Variants in DYM observed in about 807,000 individuals in gnomAD.
The protein encoded by DYM is dymeclin.
Under a neutral mutation model 93.1 loss-of-function variants are expected in DYM, and 78 were observed. The observed-to-expected ratio is 0.84, with a 90% CI of 0.70 to 1.01. The LOEUF (loss-of-function observed/expected upper bound fraction) is 1.01. DYM is among the 50% of genes least tolerant of loss of function. The pLI, the probability that DYM is intolerant of heterozygous loss-of-function variation, is 0.00. For missense variants in DYM, 789 were observed against 845.0 expected (o/e 0.93, Z 0.82); for synonymous variants, 321 against 319.7 (o/e 1.00, Z -0.04).
chr18:49,334,065 C>T (rs1488054333), intron 6 of DYM, among the ~76,000 whole-genome samples: 1 of 152,190 alleles, frequency 6.6e-6, no homozygotes. Context: ...TTAGTTATCC[C>T]TTTATTTCCC....
chr18:49,212,396 A>G (rs1048622345), intron 13 of DYM, among the ~76,000 whole-genome samples: 1 of 152,052 alleles, frequency 6.6e-6, no homozygotes, highest in African/African-American at 2.4e-5. Flanking sequence ...CAACCATTTC[A>G]AAAAAAAGAG....
At chr18:49,163,917 CTG>C in intron 14 of DYM, 130 bp from the exon 15 acceptor site, 1 of 665,806 alleles carries the variant, frequency 1.5e-6, no homozygotes, top group East Asian at 2.9e-5. Flanking sequence ...TTCTTCATGC[CTG>C]TGTTAACAGC....
chr18:49,199,090 A>G (rs992395033), intron 14 of DYM, among the ~76,000 whole-genome samples: 1 of 152,246 alleles, frequency 6.6e-6, no homozygotes, highest in African/African-American at 2.4e-5. Context: ...GACATGGATG[A>G]AGCTGGAAAC....
At chr18:49,427,413 A>G (rs1446650057) in intron 2 of DYM, among the ~76,000 whole-genome samples, 1 of 152,202 alleles carries the variant, frequency 6.6e-6, no homozygotes, top group East Asian at 1.9e-4. Flanking sequence ...ATTTAAGGAC[A>G]AGAACCATCA....
At chr18:49,221,382 T>C (rs1365805248) in intron 13 of DYM, among the ~76,000 whole-genome samples, 1 of 151,986 alleles carries the variant, frequency 6.6e-6, no homozygotes, top group African/African-American at 2.4e-5. Context: ...GAAATACCAT[T>C]TGACCCAGTC....
chr18:49,157,152 A>G (rs537296132), intron 15 of DYM, among the ~76,000 whole-genome samples: 1 of 152,122 alleles, frequency 6.6e-6, no homozygotes, highest in African/African-American at 2.4e-5. Context: ...ATGTCAAGTA[A>G]CTACCCAGAT....
At chr18:49,216,507 T>C (rs1023451803) in intron 13 of DYM, among the ~76,000 whole-genome samples, 3 of 152,014 alleles carry the variant, frequency 2.0e-5, no homozygotes, top group Non-Finnish European at 4.4e-5. Context: ...CACCCCCCAG[T>C]AGGGGCAGAC....
intron 17 of DYM, among the ~76,000 whole-genome samples, chr18:49,050,994 G>A (rs897846080): frequency 6.6e-6 from 1 of 152,076 alleles, no homozygotes; most frequent in Admixed American, 6.5e-5. Context: ...CTCCATTATA[G>A]AGATTTAAAA....
chr18:49,187,552 A>G (rs2090567224), intron 14 of DYM, among the ~76,000 whole-genome samples: 1 of 152,224 alleles, frequency 6.6e-6, no homozygotes. Context: ...TGAACATCAC[A>G]GTTTAAGACA....
intron 17 of DYM, among the ~76,000 whole-genome samples, chr18:49,063,382 T>G (rs1200638830): frequency 3.3e-5 from 5 of 151,680 alleles, no homozygotes; most frequent in African/African-American, 7.3e-5. Context: ...AAGTTATATT[T>G]TGTAAATAGA....
At chr18:49,316,462 T>A (rs1568233304) in intron 8 of DYM, among the ~76,000 whole-genome samples, 2 of 152,122 alleles carry the variant, frequency 1.3e-5, no homozygotes, top group African/African-American at 4.8e-5. Context: ...AAGAAAAACA[T>A]CACGTAAAAA....
chr18:49,131,961 TAA>T lies in DYM; in HGVS notation c.1729-13037_1729-13036del, dbSNP rs749457032. On this transcript the variant is annotated intron_variant, in intron 15 of 17. Coordinates refer to ENST00000675505, the MANE Select transcript of DYM (RefSeq NM_001353214.3). ...AAAGAAAGACAGGATTGCTCTAGATTAAAAGAGACAGGAGACACAACAACCAA... is the reference window on the plus strand; with the variant it reads ...AAAGAAAGACAGGATTGCTCTAGATTAAGAGACAGGAGACACAACAACCAA... Among the ~76,000 whole-genome samples, 16 of 152,296 alleles carry T rather than the reference TAA, an allele frequency of 1.1e-4. No homozygotes were observed. The South Asian group carries it at 2.3e-3, about 22-fold the overall frequency.
intron 5 of DYM, among the ~76,000 whole-genome samples, chr18:49,370,636 T>C (rs1442120259): frequency 6.6e-6 from 1 of 151,906 alleles, no homozygotes; most frequent in Admixed American, 6.6e-5. Flanking sequence ...CATGGTGGCA[T>C]GCGCCTGTGA....
chr18:49,238,805 AAGAAACAC>A, intron 13 of DYM, among the ~76,000 whole-genome samples: 1 of 152,052 alleles, frequency 6.6e-6, no homozygotes, highest in African/African-American at 2.4e-5. Context: ...AAAAAAAAAA[AAGAAACAC>A]TCCTCCAGCC....
At chr18:49,408,293 C>A (rs2071762030) in intron 2 of DYM, among the ~76,000 whole-genome samples, 2 of 152,220 alleles carry the variant, frequency 1.3e-5, no homozygotes, top group Non-Finnish European at 2.9e-5. Context: ...TGTGCAGATG[C>A]ACCATTTTTA....
chr18:49,266,853 C>A (rs2094578029), intron 11 of DYM, among the ~76,000 whole-genome samples: 1 of 151,992 alleles, frequency 6.6e-6, no homozygotes. Context: ...TCCTGTGCTG[C>A]CTATTGTCCA....
chr18:49,161,078 A>G (rs1031277775), intron 15 of DYM, among the ~76,000 whole-genome samples: 3 of 152,040 alleles, frequency 2.0e-5, no homozygotes, highest in African/African-American at 7.2e-5. Context: ...TCATACACAT[A>G]AATGTTAAGA....
chr18:49,280,674 T>C (rs2145715128), intron 10 of DYM, among the ~76,000 whole-genome samples: 1 of 152,328 alleles, frequency 6.6e-6, no homozygotes, highest in East Asian at 1.9e-4. Context: ...CTGTGTCTTA[T>C]GCTGGAGAAG....
At chr18:49,368,520 A>G (rs879892391) in intron 5 of DYM, 2 of 152,188 alleles carry the variant, frequency 1.3e-5, no homozygotes, top group Admixed American at 6.5e-5. Flanking sequence ...CCTATAACTA[A>G]TAAGGTTAAA....
Sources: gnomAD v4.1 joint callset for allele counts (sites outside exome capture counted in the v4.1 genomes callset) on GRCh38, gnomAD v4.1.1 for gene constraint, MANE v1.5 for transcripts, NCBI Gene and HGNC (gene_info 2026-07-23, HGNC 2026-07-21) for gene names.